SAMMSON: variants seen among roughly 807,000 people sequenced by gnomAD.
SAMMSON encodes survival associated mitochondrial melanoma specific oncogenic non-coding RNA.
chr3:70,354,676 T>C (rs748265199), intron 8 of SAMMSON, among the ~76,000 whole-genome samples: 2 of 152,208 alleles, frequency 1.3e-5, no homozygotes, highest in Non-Finnish European at 2.9e-5. Flanking sequence ...GCTTCCCACA[T>C]GCTGCCTCTA....
chr3:70,290,128 G>T (rs2106691597), intron 6 of SAMMSON, among the ~76,000 whole-genome samples: 1 of 152,340 alleles, frequency 6.6e-6, no homozygotes, highest in Non-Finnish European at 1.5e-5. Context: ...TGTAGGAGGA[G>T]AGGCGCTCTG....
At chr3:70,299,867 T>G (rs536042251) in intron 7 of SAMMSON, among the ~76,000 whole-genome samples, 6 of 152,246 alleles carry the variant, frequency 3.9e-5, no homozygotes, top group Non-Finnish European at 8.8e-5. Flanking sequence ...GTTTACACTC[T>G]TCAACCTAAC....
chr3:70,393,777 A>G (rs1701069149), downstream of SAMMSON, among the ~76,000 whole-genome samples: 1 of 152,092 alleles, frequency 6.6e-6, no homozygotes, highest in Non-Finnish European at 1.5e-5. Flanking sequence ...AAGCAGAGCA[A>G]ACTCATAAGG....
chr3:70,305,010 A>G (rs762308322), intron 7 of SAMMSON, among the ~76,000 whole-genome samples: 1 of 152,034 alleles, frequency 6.6e-6, no homozygotes, highest in Non-Finnish European at 1.5e-5. Flanking sequence ...TTTTTGCAGC[A>G]CTGGCTCATT....
At chr3:70,061,960 T>C (rs779806968) in intron 3 of SAMMSON, among the ~76,000 whole-genome samples, 4 of 152,154 alleles carry the variant, frequency 2.6e-5, no homozygotes, top group Admixed American at 6.6e-5. Context: ...CTTACACTTA[T>C]GTCTTTGGAA....
chr3:70,353,954 G>C (rs1702812237), intron 7 of SAMMSON, among the ~76,000 whole-genome samples: 1 of 152,118 alleles, frequency 6.6e-6, no homozygotes, highest in African/African-American at 2.4e-5. Flanking sequence ...AATTTGAAAG[G>C]TTATCTACTA....
chr3:70,106,504 CT>C (rs1434282467), intron 4 of SAMMSON, among the ~76,000 whole-genome samples: 2 of 108,696 alleles, frequency 1.8e-5, no homozygotes, highest in African/African-American at 7.8e-5. Flanking sequence ...CCATGCCTGG[CT>C]ATTTTTTTTT....
At chr3:70,373,336 A>G (rs1021341916) in intron 9 of SAMMSON, among the ~76,000 whole-genome samples, 1 of 152,090 alleles carries the variant, frequency 6.6e-6, no homozygotes, top group Non-Finnish European at 1.5e-5. Context: ...TTTGATGATA[A>G]ATCTGCTATC....
intron 4 of SAMMSON, among the ~76,000 whole-genome samples, chr3:70,152,258 A>G (rs980747480): frequency 6.6e-6 from 1 of 151,718 alleles, no homozygotes; most frequent in Non-Finnish European, 1.5e-5. Flanking sequence ...AAGTCACCAT[A>G]TCAAGTATAT....
intron 7 of SAMMSON, among the ~76,000 whole-genome samples, chr3:70,341,786 G>A (rs1702713067): frequency 1.3e-5 from 2 of 152,006 alleles, no homozygotes; most frequent in South Asian, 4.1e-4. Context: ...TTATGCAGCA[G>A]CAAAGTATTT....
intron 8 of SAMMSON, among the ~76,000 whole-genome samples, chr3:70,355,707 CG>C (rs1702824655): frequency 6.6e-6 from 1 of 151,960 alleles, no homozygotes; most frequent in African/African-American, 2.4e-5. Context: ...GTAATGCAAG[CG>C]TAACTTTTCA....
chr3:70,035,770 C>T (rs1404503881), intron 3 of SAMMSON, among the ~76,000 whole-genome samples: 7 of 152,168 alleles, frequency 4.6e-5, no homozygotes, highest in African/African-American at 1.7e-4. Flanking sequence ...CATTTTCAAA[C>T]TAATTGTTTC....
At chr3:70,101,586 T>C (rs1309445689) in intron 4 of SAMMSON, among the ~76,000 whole-genome samples, 1 of 152,192 alleles carries the variant, frequency 6.6e-6, no homozygotes, top group Non-Finnish European at 1.5e-5. Context: ...AAAAAGTACC[T>C]TCCTTCTTTG....
chr3:70,002,360 C>T (rs1310241907), intron 1 of SAMMSON, among the ~76,000 whole-genome samples: 1 of 152,118 alleles, frequency 6.6e-6, no homozygotes, highest in East Asian at 1.9e-4. Context: ...AAATTAATTA[C>T]AGCTTATTTG....
chr3:70,430,082 A>C (rs749659927), intron 2 of SAMMSON, among the ~76,000 whole-genome samples: 18 of 152,208 alleles, frequency 1.2e-4, no homozygotes, highest in Non-Finnish European at 2.4e-4. Flanking sequence ...TTGCCCATTC[A>C]GTATGATATT....
intron 3 of SAMMSON, among the ~76,000 whole-genome samples, chr3:70,050,953 T>A (rs2067143578): frequency 1.3e-5 from 2 of 151,348 alleles, no homozygotes; most frequent in Non-Finnish European, 2.9e-5. Context: ...CTGGCCAACA[T>A]GACAAAACCC....
chr3:70,038,859 G>C (rs2067095998), intron 3 of SAMMSON, among the ~76,000 whole-genome samples: 1 of 152,112 alleles, frequency 6.6e-6, no homozygotes, highest in Non-Finnish European at 1.5e-5. Flanking sequence ...ATCATCTTGG[G>C]TGAGGCAAAC....
At chr3:70,399,637 A>G (rs1034204443) in intron 2 of SAMMSON, among the ~76,000 whole-genome samples, 1 of 152,096 alleles carries the variant, frequency 6.6e-6, no homozygotes. Flanking sequence ...AGGCCAAGGC[A>G]GTTGGATCAC....
intron 4 of SAMMSON, among the ~76,000 whole-genome samples, chr3:70,182,144 T>G (rs1313844139): frequency 6.6e-6 from 1 of 152,044 alleles, no homozygotes; most frequent in African/African-American, 2.4e-5. Context: ...AGGTGTCTAA[T>G]GGTGCTAAGG....
Sources: allele counts gnomAD v4.1 joint callset (sites outside exome capture counted in the v4.1 genomes callset), GRCh38; gene constraint gnomAD v4.1.1; transcripts MANE v1.5; gene names NCBI Gene and HGNC (gene_info 2026-07-23, HGNC 2026-07-21).